PRKCA: variants seen among roughly 807,000 people sequenced by gnomAD.
PRKCA encodes protein kinase C alpha type.
In PRKCA, 27 loss-of-function variants were observed where a neutral mutation model predicts 87.0. The observed-to-expected ratio is 0.31, with a 90% CI of 0.23 to 0.43. The LOEUF (loss-of-function observed/expected upper bound fraction) is 0.43, where lower values mean the gene tolerates loss of function less well. PRKCA is among the 20% of genes least tolerant of loss of function. PRKCA has a pLI of 1.00. For synonymous variants in PRKCA, 329 were observed against 311.1 expected (o/e 1.06, Z -0.61); for missense variants, 518 against 852.3 (o/e 0.61, Z 4.88).
At chr17:66,662,144 A>G (rs77622690) in intron 5 of PRKCA, among the ~76,000 whole-genome samples, 8,912 of 152,292 alleles carry the variant, frequency 0.059, 319 homozygotes, top group Admixed American at 0.081. Context: ...TCATCGCCAC[A>G]AGGCCCTCTC....
intron 8 of PRKCA, among the ~76,000 whole-genome samples, chr17:66,702,714 G>A (rs1335017656): frequency 3.9e-5 from 6 of 152,098 alleles, no homozygotes; most frequent in Non-Finnish European, 8.8e-5. Context: ...TGTTAGTCAT[G>A]CCTCTATACA....
intron 14 of PRKCA, among the ~76,000 whole-genome samples, chr17:66,784,793 G>A (rs369734307): frequency 2.6e-5 from 4 of 152,044 alleles, no homozygotes; most frequent in Non-Finnish European, 4.4e-5. Flanking sequence ...AAAGCCACAC[G>A]TCCCCCTGAT....
chr17:66,636,018 A>G (rs1971143025), intron 3 of PRKCA, among the ~76,000 whole-genome samples: 1 of 152,182 alleles, frequency 6.6e-6, no homozygotes, highest in Admixed American at 6.5e-5. Context: ...TAATTTTAGC[A>G]GTGGTCTCCC....
intron 3 of PRKCA, among the ~76,000 whole-genome samples, chr17:66,629,298 G>T (rs1227711704): frequency 1.3e-5 from 2 of 152,162 alleles, no homozygotes; most frequent in Non-Finnish European, 2.9e-5. Flanking sequence ...TGCAAATAAT[G>T]TTATACTATT....
chr17:66,640,674 C>T (rs976432878), intron 3 of PRKCA, among the ~76,000 whole-genome samples: 2 of 152,132 alleles, frequency 1.3e-5, no homozygotes, highest in Non-Finnish European at 2.9e-5. Context: ...ACAAACACAC[C>T]GATTTTGTGT....
At chr17:66,439,290 T>A (rs1389016160) in intron 2 of PRKCA, among the ~76,000 whole-genome samples, 1 of 152,056 alleles carries the variant, frequency 6.6e-6, no homozygotes, top group African/African-American at 2.4e-5. Flanking sequence ...AAGTGACTCT[T>A]CTGCCTCAGC....
intron 2 of PRKCA, among the ~76,000 whole-genome samples, chr17:66,356,768 A>C (rs1908082070): frequency 6.6e-6 from 1 of 152,230 alleles, no homozygotes; most frequent in Non-Finnish European, 1.5e-5. Context: ...TTTTTTAAAA[A>C]ATAGGGTCTT....
intron 14 of PRKCA, chr17:66,775,212 A>G: frequency 1.0e-6 from 1 of 963,152 alleles, no homozygotes; most frequent in Non-Finnish European, 1.2e-6. Flanking sequence ...GCAAAGTCCC[A>G]TGTGGGGGTG....
chr17:66,691,385 C>G (rs546524518), intron 8 of PRKCA, among the ~76,000 whole-genome samples: 1 of 152,226 alleles, frequency 6.6e-6, no homozygotes, highest in African/African-American at 2.4e-5. Flanking sequence ...GAATGAGATT[C>G]TTTTCAAAGA....
At chr17:66,653,331 T>G (rs890638795) in intron 5 of PRKCA, among the ~76,000 whole-genome samples, 1 of 152,228 alleles carries the variant, frequency 6.6e-6, no homozygotes, top group African/African-American at 2.4e-5. Context: ...TGGTGACTCA[T>G]TCCTGTAGTC....
intron 3 of PRKCA, among the ~76,000 whole-genome samples, chr17:66,526,359 T>G (rs1457227237): frequency 6.6e-6 from 1 of 152,184 alleles, no homozygotes; most frequent in African/African-American, 2.4e-5. Flanking sequence ...AACAATCATG[T>G]TATCGCTTCC....
chr17:66,387,580 A>G (rs2143619640), intron 2 of PRKCA, among the ~76,000 whole-genome samples: 1 of 152,256 alleles, frequency 6.6e-6, no homozygotes, highest in South Asian at 2.1e-4. Flanking sequence ...TCTTGGGACA[A>G]GTGGCTTTTA....
intron 3 of PRKCA, among the ~76,000 whole-genome samples, chr17:66,639,750 A>G (rs1190948935): frequency 6.6e-6 from 1 of 151,754 alleles, no homozygotes; most frequent in Non-Finnish European, 1.5e-5. Context: ...TAATCCCAGC[A>G]CTTTGGGAGG....
chr17:66,400,398 C>T (rs551179640), intron 2 of PRKCA, among the ~76,000 whole-genome samples: 13 of 152,336 alleles, frequency 8.5e-5, no homozygotes, highest in African/African-American at 1.4e-4. Flanking sequence ...GTGATCCCCC[C>T]GCCTTGGCCT....
chr17:66,676,064 AT>A (rs1255307831), intron 5 of PRKCA, among the ~76,000 whole-genome samples: 1 of 152,030 alleles, frequency 6.6e-6, no homozygotes, highest in Middle Eastern at 3.2e-3. Context: ...CCCAATCAAC[AT>A]TTGCCGAGGA....
intron 2 of PRKCA, among the ~76,000 whole-genome samples, chr17:66,363,726 G>A (rs1479849055): frequency 2.0e-5 from 3 of 151,252 alleles, no homozygotes; most frequent in Non-Finnish European, 3.0e-5. Flanking sequence ...GTTTTGAGAC[G>A]GAGTCTCACC....
intron 3 of PRKCA, among the ~76,000 whole-genome samples, chr17:66,615,165 G>A (rs1266883577): frequency 6.6e-5 from 10 of 152,184 alleles, no homozygotes. Context: ...CAGCTGAGTG[G>A]CCTCCCTCTA....
intron 8 of PRKCA, among the ~76,000 whole-genome samples, chr17:66,709,789 A>C (rs555593232): frequency 6.6e-6 from 1 of 151,928 alleles, no homozygotes; most frequent in Non-Finnish European, 1.5e-5. Context: ...CTCACTGCCC[A>C]CCAGCTTATG....
At chr17:66,713,364 A>G (rs575107532) in intron 8 of PRKCA, among the ~76,000 whole-genome samples, 1 of 152,078 alleles carries the variant, frequency 6.6e-6, no homozygotes, top group South Asian at 2.1e-4. Context: ...TGTGCTTTCT[A>G]AACCACTCCC....
Sources: gnomAD v4.1 joint callset for allele counts (sites outside exome capture counted in the v4.1 genomes callset) on GRCh38, gnomAD v4.1.1 for gene constraint, MANE v1.5 for transcripts, NCBI Gene and HGNC (gene_info 2026-07-23, HGNC 2026-07-21) for gene names.